EVC2: variants seen among roughly 807,000 people sequenced by gnomAD.
EVC2 encodes EvC ciliary complex subunit 2.
In EVC2, 148 loss-of-function variants were observed where a neutral mutation model predicts 149.3. The observed-to-expected ratio is 0.99, with a 90% confidence interval of 0.87 to 1.14. EVC2 has a LOEUF of 1.14. Ranked by LOEUF, EVC2 falls within the 50% of genes most tolerant of loss-of-function variation. The pLI, the probability that EVC2 is intolerant of heterozygous loss-of-function variation, is 0.00. For synonymous variants in EVC2, 776 were observed against 649.9 expected (o/e 1.19, Z -2.95); for missense variants, 1,854 against 1,627.3 (o/e 1.14, Z -2.40).
In EVC2 at chr4:5,640,415, G is replaced by T; in HGVS notation, c.1470+99C>A. 1 of 1,401,416 alleles carries T rather than the reference G, an allele frequency of 7.1e-7. No homozygotes were observed. The highest frequency in any genetic ancestry group is 1.0e-6 in the Non-Finnish European group (1 of 988,280). The allele number at this position is 1,401,416 out of a possible 1,614,324, so 86.8% of individuals were successfully genotyped here. The stretch of plus-strand genomic sequence containing the variant: ...GTGGTTGGATGGATGATGGGTAGAC[G>T]GATGGAGGAGGCAAATGGACAGATG... On this transcript the variant is annotated intron_variant, in intron 10 of 21. Coordinates refer to ENST00000344408, the MANE Select transcript of EVC2 (RefSeq NM_147127.5). The surrounding 1 kb of genome is among the most constrained non-coding windows in gnomAD (Gnocchi z 4.6).
intron 9 of EVC2, among the ~76,000 whole-genome samples, chr4:5,644,111 C>T (rs1386522107): frequency 6.6e-6 from 1 of 152,080 alleles, no homozygotes; most frequent in Non-Finnish European, 1.5e-5. Flanking sequence ...GGAAGTCAGG[C>T]CACCATCCTG....
At chr4:5,616,795 A>G (rs1715289847) in intron 15 of EVC2, among the ~76,000 whole-genome samples, 1 of 152,148 alleles carries the variant, frequency 6.6e-6, no homozygotes, top group Admixed American at 6.5e-5. Context: ...ATGTGGAGCG[A>G]GCACCTTCGC....
chr4:5,630,034 A>C (rs1255133875), intron 11 of EVC2, among the ~76,000 whole-genome samples: 1 of 152,222 alleles, frequency 6.6e-6, no homozygotes, highest in Admixed American at 6.5e-5. Context: ...ATGAGAGTAA[A>C]ATGATAACGA....
At chr4:5,532,834 C>T in the EVC2 span, among the ~76,000 whole-genome samples, 13 of 151,758 alleles carry the variant, frequency 8.6e-5, no homozygotes, top group African/African-American at 2.2e-4. Context: ...GCCAAGCATG[C>T]GAGCTGAGCA....
Position 5,628,562 on chromosome 4 carries a change from T to C in EVC2, c.1883A>G (p.Glu628Gly). ...AQLTHLIQKH[E>G]RAGYLDEDQM... is the part of the protein sequence containing the mutation. ...TTGGGACAGTGTTGAGTGGTACCTC[T>C]CGTGCTTCTGAATGAGGTGAGTCAG... Residue 628 changes from glutamate (E) to glycine (G), a missense_variant, in exon 12 of 22, where the codon GAG (glutamate) becomes GGG (glycine). Coordinates refer to ENST00000344408, the MANE Select transcript of EVC2 (RefSeq NM_147127.5). 1 of 1,614,122 alleles carries C rather than the reference T, an allele frequency of 6.2e-7. No homozygotes were observed. The highest frequency in any genetic ancestry group is 1.1e-5 in the South Asian group (1 of 91,072).
rs115903439 is a variant in EVC2, at chr4:5,635,992, A to G, written c.1471-3960T>C. Among the ~76,000 whole-genome samples, 250 of 152,356 alleles carry G rather than the reference A, an allele frequency of 1.6e-3. 1 individual carries two copies. The highest frequency in any genetic ancestry group is 5.8e-3 in the African/African-American group (241 of 41,584). On this transcript the variant is annotated intron_variant, in intron 10 of 21. Transcript: ENST00000344408. ...CACCACAGGCATCTTTAAAAATTAC[A>G]TTCAGTTATGAATCATAATAAACCC...
Position 5,670,331 on chromosome 4 carries a change from T to G in EVC2, c.871-4682A>C, listed in dbSNP as rs562822315. 6.4e-4 allele frequency among the ~76,000 whole-genome samples: 98 copies of G among 152,188 alleles called. No homozygotes were observed. The highest frequency in any genetic ancestry group is 2.3e-3 in the African/African-American group (97 of 41,520). ...AGCAGCATCACCATCAAATTCATCA[T>G]CACCATCACCACAATGACTGTCACC... is the stretch of plus-strand genomic sequence containing the variant. On this transcript the variant is annotated intron_variant, in intron 7 of 21. Coordinates refer to ENST00000344408, the MANE Select transcript of EVC2 (RefSeq NM_147127.5). This position sits in a 1 kb window ranked among gnomAD's most constrained non-coding sequence, Gnocchi z 5.2.
chr4:5,531,495 C>T, the EVC2 span, among the ~76,000 whole-genome samples: 7 of 152,218 alleles, frequency 4.6e-5, no homozygotes, highest in East Asian at 1.9e-4. Context: ...TGTGAGTGAG[C>T]GAAGTTTCAT....
chr4:5,697,075 G>C (rs1165418658), intron 2 of EVC2, among the ~76,000 whole-genome samples: 1 of 152,192 alleles, frequency 6.6e-6, no homozygotes, highest in East Asian at 1.9e-4. Flanking sequence ...AAATGGAGGA[G>C]GGCAGTATCC....
At chr4:5,579,358 A>C (rs985476150) in intron 17 of EVC2, among the ~76,000 whole-genome samples, 5 of 152,208 alleles carry the variant, frequency 3.3e-5, no homozygotes, top group Non-Finnish European at 7.3e-5. Flanking sequence ...AGGTTTAAAC[A>C]CTTAGCCCAC....
chr4:5,704,731 G>C (rs77228634), intron 1 of EVC2, among the ~76,000 whole-genome samples: 5,211 of 152,110 alleles, frequency 0.034, 278 homozygotes, highest in African/African-American at 0.12. Context: ...TTTGAGAGAG[G>C]GTCTTGTTCT....
intron 1 of EVC2, among the ~76,000 whole-genome samples, chr4:5,706,832 C>T (rs145217084): frequency 8.9e-4 from 136 of 152,238 alleles, no homozygotes; most frequent in African/African-American, 3.2e-3. Flanking sequence ...CCAAGGGCAC[C>T]TGAATACAGG....
intron 7 of EVC2, among the ~76,000 whole-genome samples, chr4:5,674,323 G>C (rs939691096): frequency 2.0e-5 from 3 of 152,172 alleles, no homozygotes; most frequent in African/African-American, 7.2e-5. Flanking sequence ...CACACAGCAT[G>C]ATTCTGACTG....
chr4:5,685,554 C>T lies in EVC2; in HGVS notation c.707-75G>A, dbSNP rs960055. The stretch of plus-strand genomic sequence containing the variant: ...CGGCTGCACCCCACCACACCCCAGA[C>T]ACATCCTGGCCCCTGGCTTCAGTGG... On this transcript the variant is annotated intron_variant, in intron 5 of 21. Coordinates refer to ENST00000344408, the MANE Select transcript of EVC2 (RefSeq NM_147127.5). 0.18 allele frequency: 221,143 copies of T among 1,228,172 alleles called. 21,298 individuals carry two copies. The highest frequency in any genetic ancestry group is 0.2 in the Non-Finnish European group (169,706 of 841,682). 76.1% of individuals were successfully genotyped at this position (1,228,172 alleles called of 1,614,324 possible).
rs373650736 is a variant in EVC2, at chr4:5,706,381, C to CATAG, written c.228+1901_228+1904dup. 1.5e-3 allele frequency among the ~76,000 whole-genome samples: 11 copies of CATAG among 7,388 alleles called. 3 individuals carry two copies. The highest frequency in any genetic ancestry group is 5.9e-3 in the African/African-American group (7 of 1,196). 4.8% of individuals were successfully genotyped at this position (7,388 alleles called of 152,430 possible). On this transcript the variant is annotated intron_variant, in intron 1 of 21. Transcript: ENST00000344408. Reference sequence around the variant, plus strand: ...ACATAGATAGATACATAGATAGATACATAGATAGATACATAGATAGATAGA... The same window carrying CATAG: ...ACATAGATAGATACATAGATAGATACATAGATAGATAGATACATAGATAGATAGA...
intron 5 of EVC2, among the ~76,000 whole-genome samples, chr4:5,685,878 G>A (rs1037324700): frequency 4.6e-5 from 7 of 152,130 alleles, no homozygotes; most frequent in Non-Finnish European, 8.8e-5. Flanking sequence ...GGAGGCCTTC[G>A]CCTGATGTGG....
intron 9 of EVC2, among the ~76,000 whole-genome samples, chr4:5,644,756 C>T (rs940198783): frequency 2.6e-5 from 4 of 152,180 alleles, no homozygotes; most frequent in Non-Finnish European, 5.9e-5. Flanking sequence ...TTTTAGCTCT[C>T]ACATATGAGT....
intron 16 of EVC2, among the ~76,000 whole-genome samples, chr4:5,595,404 G>A (rs576443482): frequency 4.6e-5 from 7 of 152,124 alleles, no homozygotes; most frequent in Non-Finnish European, 4.4e-5. Flanking sequence ...AGAGAGTGGG[G>A]GCCAATATTC....
intron 16 of EVC2, among the ~76,000 whole-genome samples, chr4:5,591,100 A>G (rs1712754985): frequency 6.6e-6 from 1 of 152,186 alleles, no homozygotes; most frequent in African/African-American, 2.4e-5. Flanking sequence ...TTGGGTGGAG[A>G]CACAGGACCC....
Sources: allele counts gnomAD v4.1 joint callset (sites outside exome capture counted in the v4.1 genomes callset), GRCh38; gene constraint gnomAD v4.1.1; non-coding constraint Gnocchi (gnomAD v3.1); transcripts MANE v1.5; gene names NCBI Gene and HGNC (gene_info 2026-07-23, HGNC 2026-07-21).